Variants in HPSE2 observed in about 807,000 individuals in gnomAD.
The protein encoded by HPSE2 is heparanase 2 (inactive).
A neutral mutation model predicts 60.5 loss-of-function variants in HPSE2; 38 were observed. The ratio of observed to expected loss-of-function variants is 0.63; its 90% CI spans 0.48 to 0.82. HPSE2 has a LOEUF of 0.82. Ranked by LOEUF, HPSE2 falls within the 40% of genes least tolerant of loss-of-function variation. The pLI is 0.00. For missense variants in HPSE2, 713 were observed against 740.4 expected (o/e 0.96, Z 0.43); for synonymous variants, 295 against 293.2 (o/e 1.01, Z -0.06).
chr10:98,460,617 A>C (rs1940247398), intron 11 of HPSE2, among the ~76,000 whole-genome samples: 1 of 152,206 alleles, frequency 6.6e-6, no homozygotes, highest in Non-Finnish European at 1.5e-5. Context: ...TCCCTAAAAA[A>C]AACAAAAAAT....
chr10:99,305,953 TCACACACACGCGCGCGCGCGCGCGCGCA>T, the HPSE2 span, among the ~76,000 whole-genome samples: 1,116 of 24,834 alleles, frequency 0.045, 19 homozygotes, highest in African/African-American at 0.15. Context: ...ATATCCAAAC[TCACACACACGCGCGCGCGCGCGCGCGCA>T]CACACACACA....
At chr10:99,000,394 T>C (rs1564726725) in intron 3 of HPSE2, among the ~76,000 whole-genome samples, 1 of 152,120 alleles carries the variant, frequency 6.6e-6, no homozygotes, top group South Asian at 2.1e-4. Flanking sequence ...AAGATCAGGC[T>C]GGAAATTTAG....
intron 3 of HPSE2, among the ~76,000 whole-genome samples, chr10:98,858,924 T>G (rs1017497862): frequency 2.0e-5 from 3 of 152,164 alleles, no homozygotes; most frequent in Non-Finnish European, 4.4e-5. Context: ...ATCTGTGTTT[T>G]TTTTGTTTGT....
intron 2 of HPSE2, among the ~76,000 whole-genome samples, chr10:99,184,258 C>T (rs1847886286): frequency 6.6e-6 from 1 of 152,010 alleles, no homozygotes; most frequent in Non-Finnish European, 1.5e-5. Context: ...GGCATGGTGG[C>T]TCACACCTGT....
intron 3 of HPSE2, among the ~76,000 whole-genome samples, chr10:99,077,327 T>A (rs998317225): frequency 6.6e-6 from 1 of 152,220 alleles, no homozygotes; most frequent in Non-Finnish European, 1.5e-5. Context: ...CTCTTCTCCA[T>A]CAGGAACATT....
intron 3 of HPSE2, among the ~76,000 whole-genome samples, chr10:99,108,145 T>TA (rs750772158): frequency 2.6e-4 from 40 of 152,168 alleles, no homozygotes; most frequent in Non-Finnish European, 4.6e-4. Context: ...AAAGCAAAGA[T>TA]ACTGTTATTT....
At chr10:99,146,537 C>A (rs1846060094) in intron 2 of HPSE2, among the ~76,000 whole-genome samples, 2 of 152,172 alleles carry the variant, frequency 1.3e-5, no homozygotes, top group Non-Finnish European at 2.9e-5. Flanking sequence ...GCCCAGAGTT[C>A]TAGTAGCCAC....
chr10:99,199,930 C>A (rs1848519418), intron 2 of HPSE2, among the ~76,000 whole-genome samples: 1 of 152,078 alleles, frequency 6.6e-6, no homozygotes. Flanking sequence ...GAATGTCTTT[C>A]CATTTATGTG....
At chr10:98,662,356 TTAA>T (rs1266917383) in intron 6 of HPSE2, among the ~76,000 whole-genome samples, 1 of 152,156 alleles carries the variant, frequency 6.6e-6, no homozygotes, top group Non-Finnish European at 1.5e-5. Context: ...ACAAATATAT[TTAA>T]TAATACTATG....
chr10:99,194,311 A>T (rs1848320488), intron 2 of HPSE2, among the ~76,000 whole-genome samples: 1 of 151,950 alleles, frequency 6.6e-6, no homozygotes, highest in Admixed American at 6.6e-5. Context: ...AAATACCTAC[A>T]TCAAAAAAAG....
At chr10:99,118,161 G>A (rs759115920) in intron 3 of HPSE2, among the ~76,000 whole-genome samples, 14 of 152,018 alleles carry the variant, frequency 9.2e-5, no homozygotes, top group South Asian at 2.1e-4. Flanking sequence ...CTCAATAGAC[G>A]CAGGAAAAGC....
At chr10:99,221,466 A>C (rs950373494) in intron 2 of HPSE2, among the ~76,000 whole-genome samples, 1 of 152,230 alleles carries the variant, frequency 6.6e-6, no homozygotes, top group Admixed American at 6.5e-5. Flanking sequence ...ATTCACAAAA[A>C]AATACCTGAG....
At chr10:99,029,674 T>C (rs1286002716) in intron 3 of HPSE2, among the ~76,000 whole-genome samples, 1 of 152,186 alleles carries the variant, frequency 6.6e-6, no homozygotes, top group Non-Finnish European at 1.5e-5. Flanking sequence ...GTACTTTCAC[T>C]AATTTTCTGC....
At chr10:98,951,082 C>T (rs1463419523) in intron 3 of HPSE2, among the ~76,000 whole-genome samples, 2 of 152,090 alleles carry the variant, frequency 1.3e-5, no homozygotes, top group Admixed American at 1.3e-4. Context: ...ACTAGTTTAA[C>T]TAGACAAGGT....
At chr10:99,224,363 G>A (rs1405505224) in intron 2 of HPSE2, among the ~76,000 whole-genome samples, 4 of 151,584 alleles carry the variant, frequency 2.6e-5, no homozygotes, top group Admixed American at 6.6e-5. Context: ...GACAAGTTCA[G>A]GGAATGAAAC....
intron 9 of HPSE2, among the ~76,000 whole-genome samples, chr10:98,492,433 C>G (rs1331252323): frequency 1.4e-5 from 2 of 146,118 alleles, no homozygotes; most frequent in African/African-American, 5.1e-5. Context: ...ACCCAGGAGG[C>G]GGAGCTTGCA....
intron 3 of HPSE2, among the ~76,000 whole-genome samples, chr10:99,129,726 C>A (rs1344446873): frequency 6.7e-6 from 1 of 148,612 alleles, no homozygotes; most frequent in Non-Finnish European, 1.5e-5. Flanking sequence ...CTTCAAGGAA[C>A]TAGAGAAACA....
chr10:98,688,477 C>CTTTTTTTTTTTTT (rs1388717965), intron 6 of HPSE2, among the ~76,000 whole-genome samples: 5 of 83,008 alleles, frequency 6.0e-5, no homozygotes, highest in Non-Finnish European at 7.0e-5. Flanking sequence ...TTTTTTTTTT[C>CTTTTTTTTTTTTT]TTTTTTTTTT....
At chr10:99,043,227 G>A (rs966715893) in intron 3 of HPSE2, among the ~76,000 whole-genome samples, 3 of 152,218 alleles carry the variant, frequency 2.0e-5, no homozygotes, top group African/African-American at 7.2e-5. Flanking sequence ...GCTCATGTCT[G>A]TAATCCCAGC....
Sources: allele counts gnomAD v4.1 joint callset (sites outside exome capture counted in the v4.1 genomes callset), GRCh38; gene constraint gnomAD v4.1.1; transcripts MANE v1.5; gene names NCBI Gene and HGNC (gene_info 2026-07-23, HGNC 2026-07-21).